Variants in DCC observed in about 807,000 individuals in gnomAD.
DCC encodes DCC netrin 1 receptor.
In DCC, 58 loss-of-function variants were observed where a neutral mutation model predicts 172.5. The ratio of observed to expected loss-of-function variants is 0.34; its 90% confidence interval spans 0.27 to 0.42. The LOEUF (loss-of-function observed/expected upper bound fraction) is 0.42. Among genes scored for constraint, DCC ranks in the 10% least tolerant of loss-of-function variants. DCC has a pLI of 1.00. For synonymous variants in DCC, 709 were observed against 644.5 expected, an observed-to-expected ratio of 1.10 and a Z score of -1.52; for missense variants, 1,740 against 1,791.0, an observed-to-expected ratio of 0.97 and a Z score of 0.51.
At chr18:53,193,132 A>G (rs2055391198) in intron 9 of DCC, among the ~76,000 whole-genome samples, 1 of 152,188 alleles carries the variant, frequency 6.6e-6, no homozygotes, top group South Asian at 2.1e-4. Flanking sequence ...TGCCCCTTCA[A>G]TTCACTGTCT....
At chr18:52,970,179 G>A (rs1222905768) in intron 5 of DCC, among the ~76,000 whole-genome samples, 1 of 151,810 alleles carries the variant, frequency 6.6e-6, no homozygotes, top group East Asian at 1.9e-4. Context: ...TTTACTATTA[G>A]GAATAGCCAA....
intron 5 of DCC, among the ~76,000 whole-genome samples, chr18:52,937,030 A>G (rs549203687): frequency 4.3e-4 from 65 of 152,258 alleles, no homozygotes; most frequent in Non-Finnish European, 6.2e-4. Context: ...TGAGCAGGGA[A>G]TCACCAAAGG....
chr18:52,527,007 GC>G (rs760413716), intron 1 of DCC, among the ~76,000 whole-genome samples: 51 of 152,262 alleles, frequency 3.3e-4, no homozygotes, highest in Non-Finnish European at 1.3e-4. Context: ...TATCCAGTGA[GC>G]AAAAAGAAAG....
intron 2 of DCC, among the ~76,000 whole-genome samples, chr18:52,786,289 T>C (rs991827844): frequency 1.3e-5 from 2 of 152,064 alleles, no homozygotes; most frequent in East Asian, 1.9e-4. Flanking sequence ...GTGTTACCCA[T>C]CCCTTTTTGT....
At chr18:52,979,014 G>C (rs1173323836) in intron 5 of DCC, among the ~76,000 whole-genome samples, 1 of 151,944 alleles carries the variant, frequency 6.6e-6, no homozygotes, top group Admixed American at 6.5e-5. Flanking sequence ...GAATTGTGCT[G>C]TAATAACATG....
intron 2 of DCC, among the ~76,000 whole-genome samples, chr18:52,815,387 C>T (rs1211098729): frequency 6.1e-5 from 9 of 147,936 alleles, no homozygotes; most frequent in Admixed American, 5.5e-4. Flanking sequence ...GTAGAGCGCT[C>T]ACTTGCGCTT....
chr18:53,158,123 A>G (rs2054774825), intron 8 of DCC, among the ~76,000 whole-genome samples: 1 of 135,522 alleles, frequency 7.4e-6, no homozygotes, highest in South Asian at 3.1e-4. Context: ...CACGAAAATT[A>G]AAAGTTTTTT....
chr18:52,472,037 A>G (rs1382971010), intron 1 of DCC, among the ~76,000 whole-genome samples: 2 of 152,178 alleles, frequency 1.3e-5, no homozygotes, highest in Middle Eastern at 3.2e-3. Context: ...GAGTGGGGTT[A>G]CATAAAGTAT....
chr18:53,066,944 G>A (rs1204331209), intron 7 of DCC, among the ~76,000 whole-genome samples: 1 of 151,994 alleles, frequency 6.6e-6, no homozygotes, highest in Admixed American at 6.6e-5. Flanking sequence ...CAGAGAAAGA[G>A]GGGGAAGTGC....
chr18:53,279,149 T>C (rs2144723652), intron 12 of DCC, among the ~76,000 whole-genome samples: 1 of 152,284 alleles, frequency 6.6e-6, no homozygotes, highest in South Asian at 2.1e-4. Context: ...GATTTGCATT[T>C]CTCTGATGGC....
At chr18:52,713,802 G>A (rs533462935) in intron 1 of DCC, among the ~76,000 whole-genome samples, 3 of 152,312 alleles carry the variant, frequency 2.0e-5, no homozygotes, top group South Asian at 4.1e-4. Context: ...GTGGCACTGT[G>A]CTAAGTGTGA....
At chr18:52,554,715 T>A (rs2032865124) in intron 1 of DCC, among the ~76,000 whole-genome samples, 1 of 152,068 alleles carries the variant, frequency 6.6e-6, no homozygotes, top group Non-Finnish European at 1.5e-5. Context: ...AGAATATGTC[T>A]TCCATGACAA....
At chr18:53,245,632 G>A (rs868505714) in intron 12 of DCC, among the ~76,000 whole-genome samples, 2 of 152,016 alleles carry the variant, frequency 1.3e-5, no homozygotes, top group Non-Finnish European at 2.9e-5. Flanking sequence ...TTCTCCTTTC[G>A]ATGGTATATT....
rs1038642130 is a variant in DCC at position 53,450,741 on chromosome 18, T to C, written c.3392+79T>C. ...ATTTTTGATGGTCCTCTTTCTGCGTTCTTTCATAATTCACCCCATGTCCTT... is the reference window on the plus strand; with the variant it reads ...ATTTTTGATGGTCCTCTTTCTGCGTCCTTTCATAATTCACCCCATGTCCTT... On this transcript the variant is annotated intron_variant, in intron 23 of 28. Transcript: ENST00000442544. 12 of 1,184,954 alleles carry C rather than the reference T, an allele frequency of 1.0e-5. No individual in the cohort carries two copies. The African/African-American group carries it at 1.3e-4, about 13-fold the overall frequency. 73.4% of individuals were successfully genotyped at this position (1,184,954 alleles called of 1,614,324 possible).
rs200337911 is a variant in DCC at position 53,203,234 on chromosome 18, T to C, written c.1574-1982T>C. On this transcript the variant is annotated intron_variant, in intron 9 of 28. Coordinates refer to ENST00000442544, the MANE Select transcript of DCC (RefSeq NM_005215.4). ...GTGTGTGTGTGTGTGTGTGTGTGTG[T>C]GCGTGTGTGTGTGTATGTAATTATA... is the stretch of plus-strand genomic sequence containing the variant. Among the ~76,000 whole-genome samples, 1,217 of 145,946 alleles carry C rather than the reference T, an allele frequency of 8.3e-3. 17 individuals carry two copies. Among genetic ancestry groups the C allele is most frequent in the African/African-American group, 0.026 (1,052 of 40,666 alleles).
intron 3 of DCC, among the ~76,000 whole-genome samples, chr18:52,915,672 T>C (rs2040029539): frequency 6.6e-6 from 1 of 152,100 alleles, no homozygotes; most frequent in African/African-American, 2.4e-5. Context: ...TGCTGAAATA[T>C]AGTAATTGAA....
intron 5 of DCC, among the ~76,000 whole-genome samples, chr18:52,957,673 G>C (rs2040768007): frequency 6.6e-6 from 1 of 152,066 alleles, no homozygotes; most frequent in Non-Finnish European, 1.5e-5. Context: ...TGGGTTTTCA[G>C]GAAGGACCAT....
chr18:52,708,067 C>T (rs1320219691), intron 1 of DCC, among the ~76,000 whole-genome samples: 1 of 152,128 alleles, frequency 6.6e-6, no homozygotes, highest in Admixed American at 6.5e-5. Flanking sequence ...GTAGCCATTC[C>T]ATTATGTATA....
intron 22 of DCC, among the ~76,000 whole-genome samples, chr18:53,449,218 TATAAC>T (rs2045375617): frequency 6.6e-6 from 1 of 152,198 alleles, no homozygotes; most frequent in African/African-American, 2.4e-5. Flanking sequence ...TTGTAAATAA[TATAAC>T]CTAATGTTTA....
Sources: gnomAD v4.1 joint callset for allele counts (sites outside exome capture counted in the v4.1 genomes callset) on GRCh38, gnomAD v4.1.1 for gene constraint, MANE v1.5 for transcripts, NCBI Gene and HGNC (gene_info 2026-07-23, HGNC 2026-07-21) for gene names.